PDE1A: variants seen among roughly 807,000 people sequenced by gnomAD.
The protein encoded by PDE1A is dual specificity calcium/calmodulin-dependent 3',5'-cyclic nucleotide phosphodiesterase 1A.
Under a neutral mutation model 61.7 loss-of-function variants are expected in PDE1A, and 35 were observed. That is an observed-to-expected ratio of 0.57 (90% confidence interval 0.43 to 0.75). PDE1A has a LOEUF of 0.75. Among genes scored for constraint, PDE1A ranks in the 30% least tolerant of loss-of-function variants. The pLI is 0.00. For missense variants in PDE1A, 597 were observed against 630.6 expected, an observed-to-expected ratio of 0.95 and a Z score of 0.57; for synonymous variants, 232 against 213.2, an observed-to-expected ratio of 1.09 and a Z score of -0.77.
At chr2:182,417,835 G>T (rs1703014224) in intron 1 of PDE1A, among the ~76,000 whole-genome samples, 1 of 152,060 alleles carries the variant, frequency 6.6e-6, no homozygotes, top group South Asian at 2.1e-4. Context: ...GGTTACAAAT[G>T]CAGAAGTTTG....
the PDE1A span, among the ~76,000 whole-genome samples, chr2:182,565,489 G>A: frequency 6.6e-6 from 1 of 152,148 alleles, no homozygotes; most frequent in South Asian, 2.1e-4. Flanking sequence ...CAGTTAGGCT[G>A]CTCGGGGGTC....
At chr2:182,364,158 C>T (rs1699675599) in intron 1 of PDE1A, among the ~76,000 whole-genome samples, 2 of 151,972 alleles carry the variant, frequency 1.3e-5, no homozygotes, top group African/African-American at 4.8e-5. Context: ...TACCTTCCTT[C>T]CCTGAGTCCG....
chr2:182,611,248 C>T, the PDE1A span, among the ~76,000 whole-genome samples: 3 of 152,198 alleles, frequency 2.0e-5, no homozygotes, highest in South Asian at 6.2e-4. Context: ...CATTCAGCAC[C>T]TGAGCCACAC....
chr2:182,471,368 CT>C (rs1412466491), intron 2 of PDE1A, among the ~76,000 whole-genome samples: 1 of 151,650 alleles, frequency 6.6e-6, no homozygotes, highest in Non-Finnish European at 1.5e-5. Context: ...TCTGAAGAAC[CT>C]TTTATACACA....
rs116272172 is a variant in PDE1A at position 182,435,810 on chromosome 2, A to T, written c.101+86466T>A. Among the ~76,000 whole-genome samples, 273 of 152,198 alleles carry T rather than the reference A, an allele frequency of 1.8e-3. 1 individual carries two copies. The highest frequency in any genetic ancestry group is 6.1e-3 in the African/African-American group (255 of 41,550). On this transcript the variant is annotated intron_variant, in intron 2 of 14. Coordinates refer to the PDE1A transcript ENST00000410103. ...CCTCCGTATTTTAAGTTTGGCTTCAATATAATGCTAAATTGGATTAGCAAT... is the reference window on the plus strand; with the variant it reads ...CCTCCGTATTTTAAGTTTGGCTTCATTATAATGCTAAATTGGATTAGCAAT...
chr2:182,493,763 A>C (rs557089096), intron 2 of PDE1A, among the ~76,000 whole-genome samples: 4 of 152,334 alleles, frequency 2.6e-5, no homozygotes, highest in African/African-American at 9.6e-5. Context: ...GGATGAGTTC[A>C]TGTCCTTTGT....
intron 1 of PDE1A, among the ~76,000 whole-genome samples, chr2:182,416,129 C>CA (rs1218614703): frequency 1.3e-5 from 2 of 152,038 alleles, no homozygotes; most frequent in East Asian, 3.9e-4. Context: ...AATGTGCAAG[C>CA]AAATAGTATA....
chr2:182,358,739 A>T (rs1699338591), intron 1 of PDE1A, among the ~76,000 whole-genome samples: 1 of 152,166 alleles, frequency 6.6e-6, no homozygotes, highest in Non-Finnish European at 1.5e-5. Flanking sequence ...AATCCATTTG[A>T]TTCTCATAAC....
At chr2:182,535,374 TCTTAAATACTTTGTCTTTTA>T in the PDE1A span, among the ~76,000 whole-genome samples, 1 of 152,138 alleles carries the variant, frequency 6.6e-6, no homozygotes, top group African/African-American at 2.4e-5. Flanking sequence ...AAGCCTGTAC[TCTTAAATACTTTGTCTTTTA>T]CTTATTCCTT....
At chr2:182,332,001 T>A (rs1697443438) in intron 1 of PDE1A, among the ~76,000 whole-genome samples, 1 of 152,202 alleles carries the variant, frequency 6.6e-6, no homozygotes, top group African/African-American at 2.4e-5. Context: ...AACGTAGGTT[T>A]GGTCTTTTCA....
At chr2:182,556,768 CCATCTT>C in the PDE1A span, among the ~76,000 whole-genome samples, 1 of 152,140 alleles carries the variant, frequency 6.6e-6, no homozygotes, top group Non-Finnish European at 1.5e-5. Context: ...TATTTTCATG[CCATCTT>C]CATCTCAGCC....
the PDE1A span, among the ~76,000 whole-genome samples, chr2:182,530,231 T>TAAGAG: frequency 0.41 from 62,852 of 151,834 alleles, 14,367 homozygotes; most frequent in East Asian, 0.6. Flanking sequence ...ACAGTATCCT[T>TAAGAG]ATGAGAAACA....
chr2:182,548,265 C>CT, the PDE1A span, among the ~76,000 whole-genome samples: 1 of 152,140 alleles, frequency 6.6e-6, no homozygotes. Flanking sequence ...CTGGTTTTGC[C>CT]TTTTTTCCCA....
intron 2 of PDE1A, among the ~76,000 whole-genome samples, chr2:182,460,868 C>T (rs933034049): frequency 1.8e-4 from 27 of 152,174 alleles, no homozygotes; most frequent in African/African-American, 6.0e-4. Context: ...ATGGCAAAAA[C>T]TGCAATGACT....
At chr2:182,577,994 G>GGAAGGAAGGAAGGAAGGAAGGA in the PDE1A span, among the ~76,000 whole-genome samples, 2 of 116,798 alleles carry the variant, frequency 1.7e-5, no homozygotes, top group Admixed American at 8.1e-5. Flanking sequence ...GGAAGGAAGG[G>GGAAGGAAGGAAGGAAGGAAGGA]ACGGAGGGAG....
chr2:182,181,373 G>A (rs987941496), intron 13 of PDE1A, among the ~76,000 whole-genome samples: 5 of 152,192 alleles, frequency 3.3e-5, no homozygotes, highest in African/African-American at 1.2e-4. Flanking sequence ...GCTGCAGTTT[G>A]ATGGGGGTCC....
intron 1 of PDE1A, among the ~76,000 whole-genome samples, chr2:182,405,659 G>T (rs1318402912): frequency 1.3e-5 from 2 of 152,172 alleles, no homozygotes; most frequent in African/African-American, 4.8e-5. Flanking sequence ...CGGTCAAAGG[G>T]TACAAAGTTT....
At chr2:182,547,218 TG>T in the PDE1A span, among the ~76,000 whole-genome samples, 1 of 152,210 alleles carries the variant, frequency 6.6e-6, no homozygotes, top group Non-Finnish European at 1.5e-5. Context: ...TCCTGGGTGC[TG>T]GGTTTCCATC....
intron 1 of PDE1A, among the ~76,000 whole-genome samples, chr2:182,271,846 A>T (rs1693049186): frequency 6.6e-6 from 1 of 152,022 alleles, no homozygotes; most frequent in East Asian, 1.9e-4. Context: ...CATTAATATG[A>T]CTTAATAAAC....
Sources: gnomAD v4.1 joint callset for allele counts (sites outside exome capture counted in the v4.1 genomes callset) on GRCh38, gnomAD v4.1.1 for gene constraint, MANE v1.5 for transcripts, NCBI Gene and HGNC (gene_info 2026-07-23, HGNC 2026-07-21) for gene names.